GLI3: variants seen among roughly 807,000 people sequenced by gnomAD.
The protein encoded by GLI3 is GLI family zinc finger 3.
A neutral mutation model predicts 100.8 loss-of-function variants in GLI3; 20 were observed. The ratio of observed to expected loss-of-function variants is 0.20; its 90% confidence interval spans 0.14 to 0.29. The LOEUF (loss-of-function observed/expected upper bound fraction) is 0.29. GLI3 is among the 10% of genes least tolerant of loss of function. The pLI, the probability that GLI3 is intolerant of heterozygous loss-of-function variation, is 1.00. For missense variants in GLI3, 2,040 were observed against 2,128.5 expected (o/e 0.96, Z 0.82); for synonymous variants, 938 against 860.5 (o/e 1.09, Z -1.58).
In GLI3 at chr7:41,966,490, G is replaced by A. The variant is rs1269949211; in HGVS notation, c.2583C>T (p.Ser861=). The A allele has an allele frequency of 6.2e-7, 1 of 1,613,342 alleles. No homozygotes were observed. The highest frequency in any genetic ancestry group is 1.1e-5 in the South Asian group (1 of 91,086). Residue 861 remains serine, a synonymous_variant, in exon 15 of 15, where the codon AGC becomes AGT. Transcript: ENST00000395925. This position sits in a 1 kb window ranked among gnomAD's most constrained non-coding sequence, Gnocchi z 5.8. ...ASTISSAYLS[S]RRSSGISPCF... ...AGGGCGAGATCCCTGAGGAGCGGCG[G>A]CTGCTCAGGTAGGCCGAGCTGATGG...
At chr7:42,071,665 C>T (rs1389339627) in intron 4 of GLI3, among the ~76,000 whole-genome samples, 2 of 152,188 alleles carry the variant, frequency 1.3e-5, no homozygotes, top group African/African-American at 4.8e-5. Flanking sequence ...CTTCTCTAAG[C>T]TTTTACCATA....
At chr7:41,995,647 C>T (rs1366561809) in intron 10 of GLI3, among the ~76,000 whole-genome samples, 1 of 152,032 alleles carries the variant, frequency 6.6e-6, no homozygotes, top group African/African-American at 2.4e-5. Flanking sequence ...GAGTCAAAGG[C>T]CTCGACAGAA....
intron 3 of GLI3, among the ~76,000 whole-genome samples, chr7:42,102,876 G>A (rs142638519): frequency 1.3e-3 from 205 of 152,254 alleles, no homozygotes; most frequent in African/African-American, 4.6e-3. Flanking sequence ...TCACACTGGC[G>A]CAGAAATGCC....
At chr7:42,200,583 C>T (rs1035475505) in intron 2 of GLI3, among the ~76,000 whole-genome samples, 1 of 152,138 alleles carries the variant, frequency 6.6e-6, no homozygotes, top group African/African-American at 2.4e-5. Context: ...TTTTGCCCCA[C>T]ACAAGAAAGA....
intron 13 of GLI3, among the ~76,000 whole-genome samples, chr7:41,970,030 T>C (rs1562662791): frequency 6.6e-6 from 1 of 152,038 alleles, no homozygotes; most frequent in Non-Finnish European, 1.5e-5. Context: ...TTGAAACATA[T>C]CTGAGTAATG....
intron 4 of GLI3, among the ~76,000 whole-genome samples, chr7:42,063,785 T>G (rs1527496): frequency 0.64 from 97,715 of 152,060 alleles, 32,579 homozygotes; most frequent in African/African-American, 0.82. Context: ...TATAAAATGG[T>G]ATTGAATGGT....
chr7:42,066,924 C>G (rs546387924), intron 4 of GLI3, among the ~76,000 whole-genome samples: 12 of 152,236 alleles, frequency 7.9e-5, no homozygotes, highest in African/African-American at 2.2e-4. Context: ...GATGGAAGAC[C>G]ATGCTGTCTT....
chr7:42,089,624 A>G (rs1400189402), intron 3 of GLI3, among the ~76,000 whole-genome samples: 1 of 152,236 alleles, frequency 6.6e-6, no homozygotes, highest in Non-Finnish European at 1.5e-5. Context: ...CACCCTTCCC[A>G]TGGGAATTTA....
chr7:42,237,468 G>A (rs924368941), upstream of GLI3, among the ~76,000 whole-genome samples: 5 of 151,866 alleles, frequency 3.3e-5, no homozygotes, highest in African/African-American at 1.2e-4. Flanking sequence ...GAAGCCCCCC[G>A]CCCCGACCTG....
intron 10 of GLI3, among the ~76,000 whole-genome samples, chr7:42,006,234 G>A (rs1788457531): frequency 1.3e-5 from 2 of 151,070 alleles, no homozygotes; most frequent in Non-Finnish European, 3.0e-5. Context: ...ATGGGGCACA[G>A]GCTGCCTGGT....
chr7:42,120,307 C>T (rs757751750), intron 3 of GLI3, among the ~76,000 whole-genome samples: 1 of 152,112 alleles, frequency 6.6e-6, no homozygotes, highest in South Asian at 2.1e-4. Context: ...TCTCTAAGGC[C>T]GGGAGTGAAG....
chr7:42,006,019 G>A (rs975218754), intron 10 of GLI3, among the ~76,000 whole-genome samples: 2 of 152,146 alleles, frequency 1.3e-5, no homozygotes, highest in African/African-American at 4.8e-5. Flanking sequence ...CTACCATAAA[G>A]GATCTTGTTG....
At chr7:42,122,074 C>T (rs1425581990) in intron 3 of GLI3, among the ~76,000 whole-genome samples, 1 of 148,962 alleles carries the variant, frequency 6.7e-6, no homozygotes, top group Non-Finnish European at 1.5e-5. Flanking sequence ...AGTTATCTCC[C>T]AATGTCTGTG....
chr7:42,203,036 A>G (rs1037664896), intron 2 of GLI3, among the ~76,000 whole-genome samples: 4 of 152,196 alleles, frequency 2.6e-5, no homozygotes, highest in Non-Finnish European at 4.4e-5. Context: ...CTTGAAGAAC[A>G]AGTGCGAGGG....
intron 13 of GLI3, among the ~76,000 whole-genome samples, chr7:41,968,752 GAAAGAAAGAAGGAAA>G (rs1787283993): frequency 3.3e-4 from 40 of 121,442 alleles, no homozygotes; most frequent in African/African-American, 8.9e-4. Context: ...AAGAAAGAAA[GAAAGAAAGAAGGAAA>G]GAAAGAAAGA....
intron 11 of GLI3, 43 bp downstream of exon 11, chr7:41,978,556 G>T: frequency 6.2e-7 from 1 of 1,601,582 alleles, no homozygotes; most frequent in Non-Finnish European, 8.6e-7. Flanking sequence ...TTATGAGTAT[G>T]GGGAAGGACC....
At chr7:42,113,359 G>T in intron 3 of GLI3, 1 of 668,344 alleles carries the variant, frequency 1.5e-6, no homozygotes, top group Non-Finnish European at 2.8e-6. Context: ...CGCTGTTGTT[G>T]CCAGCATGCC....
chr7:41,967,340 T>C (rs115296435), intron 14 of GLI3, among the ~76,000 whole-genome samples: 36 of 152,316 alleles, frequency 2.4e-4, no homozygotes, highest in African/African-American at 7.9e-4. Context: ...CTTACCCTAA[T>C]CTAACAGTTA....
intron 2 of GLI3, among the ~76,000 whole-genome samples, chr7:42,217,029 T>TAA (rs147875761): frequency 0.03 from 4,526 of 152,218 alleles, 208 homozygotes; most frequent in African/African-American, 0.1. Flanking sequence ...AGCAGAACTG[T>TAA]AATAAGCCTA....
Sources: allele counts gnomAD v4.1 joint callset (sites outside exome capture counted in the v4.1 genomes callset), GRCh38; gene constraint gnomAD v4.1.1; non-coding constraint Gnocchi (gnomAD v3.1); transcripts MANE v1.5; gene names NCBI Gene and HGNC (gene_info 2026-07-23, HGNC 2026-07-21).